Variants in CACNA1A observed in about 807,000 individuals in gnomAD.
The protein encoded by CACNA1A is calcium voltage-gated channel subunit alpha1 A.
Under a neutral mutation model 262.4 loss-of-function variants are expected in CACNA1A, and 57 were observed. The observed-to-expected ratio is 0.22, with a 90% CI of 0.18 to 0.27. The LOEUF is 0.27. CACNA1A is among the 10% of genes least tolerant of loss of function. The pLI, the probability that CACNA1A is intolerant of heterozygous loss-of-function variation, is 1.00. For missense variants in CACNA1A, 2,526 were observed against 3,562.8 expected (o/e 0.71, Z 7.41); for synonymous variants, 1,431 against 1,419.3 (o/e 1.01, Z -0.18).
chr19:13,346,651 TA>T (rs2058783679), intron 6 of CACNA1A, among the ~76,000 whole-genome samples: 8 of 6,032 alleles, frequency 1.3e-3, no homozygotes, highest in African/African-American at 4.6e-3. Flanking sequence ...TATATATATA[TA>T]TATATATATA....
chr19:13,501,800 T>C (rs922487782), intron 1 of CACNA1A, among the ~76,000 whole-genome samples: 1 of 152,194 alleles, frequency 6.6e-6, no homozygotes, highest in African/African-American at 2.4e-5. Context: ...GAATGAAAAC[T>C]GTAAATTAAG....
At chr19:13,475,160 T>A (rs1269729101) in intron 1 of CACNA1A, among the ~76,000 whole-genome samples, 1 of 152,176 alleles carries the variant, frequency 6.6e-6, no homozygotes, top group Admixed American at 6.5e-5. Context: ...TACATCAACA[T>A]AATCTTCCTG....
At chr19:13,493,521 TG>T in intron 1 of CACNA1A, among the ~76,000 whole-genome samples, 1 of 152,384 alleles carries the variant, frequency 6.6e-6, no homozygotes, top group East Asian at 1.9e-4. Flanking sequence ...TCAAAAGCAC[TG>T]CTTTACATGC....
intron 31 of CACNA1A, among the ~76,000 whole-genome samples, chr19:13,239,515 A>T (rs1292064278): frequency 6.6e-6 from 1 of 152,152 alleles, no homozygotes; most frequent in Non-Finnish European, 1.5e-5. Flanking sequence ...TTCTGCCCAT[A>T]ATTCCATCTG....
chr19:13,468,920 T>C (rs1187524387), intron 1 of CACNA1A, among the ~76,000 whole-genome samples: 1 of 152,134 alleles, frequency 6.6e-6, no homozygotes, highest in South Asian at 2.1e-4. Flanking sequence ...CTCTGGAATA[T>C]GTCCACCATC....
chr19:13,303,881 G>A lies in CACNA1A; in HGVS notation c.1990C>T (p.Leu664=), dbSNP rs1246140836. 7 of 1,607,556 alleles carry A rather than the reference G, an allele frequency of 4.4e-6. No homozygotes were observed. The highest frequency in any genetic ancestry group is 1.1e-5 in the South Asian group (1 of 90,690). ...ACCTCGTTCCAGTCTTCGCCCGTCA[G>A]GATCTGAAAGGGGAGGAAGAAACAC... is the stretch of plus-strand genomic sequence containing the variant. ...PAAIMTVFQI[L]TGEDWNEVMY... The change falls in exon 16 of 47, where the codon CTG becomes TTG. Residue 664 remains leucine, a synonymous_variant. Coordinates refer to ENST00000360228, the MANE Select transcript of CACNA1A (RefSeq NM_001127222.2).
intron 5 of CACNA1A, chr19:13,363,738 CCA>C (rs1283755548): frequency 1.3e-5 from 2 of 152,140 alleles, no homozygotes; most frequent in African/African-American, 4.8e-5. Flanking sequence ...CTTTCTCTGC[CCA>C]CCTGGGTTCC....
intron 3 of CACNA1A, among the ~76,000 whole-genome samples, chr19:13,420,693 G>A (rs2060302999): frequency 6.6e-6 from 1 of 152,148 alleles, no homozygotes; most frequent in Non-Finnish European, 1.5e-5. Context: ...ATAAATTTCT[G>A]TTGTTTTAAG....
At chr19:13,358,893 A>G (rs1413712649) in intron 6 of CACNA1A, among the ~76,000 whole-genome samples, 1 of 152,240 alleles carries the variant, frequency 6.6e-6, no homozygotes, top group Non-Finnish European at 1.5e-5. Context: ...GGGGAGAGCC[A>G]GCCCTGTCCT....
At chr19:13,339,164 G>A (rs114991129) in intron 6 of CACNA1A, among the ~76,000 whole-genome samples, 2,246 of 152,144 alleles carry the variant, frequency 0.015, 50 homozygotes, top group African/African-American at 0.052. Flanking sequence ...GAGCCCGGCA[G>A]AAGTTTTTTT....
At chr19:13,447,526 A>G (rs1395220470) in intron 3 of CACNA1A, among the ~76,000 whole-genome samples, 2 of 152,248 alleles carry the variant, frequency 1.3e-5, no homozygotes, top group East Asian at 3.8e-4. Context: ...GTATATATGA[A>G]AGGGAGTTTA....
chr19:13,487,235 A>G (rs1980122606), intron 1 of CACNA1A, among the ~76,000 whole-genome samples: 1 of 152,210 alleles, frequency 6.6e-6, no homozygotes, highest in African/African-American at 2.4e-5. Flanking sequence ...TGGCAGCCAC[A>G]GGAGAGCAGA....
chr19:13,330,588 GTTTATTTA>G (rs142629187), intron 9 of CACNA1A, among the ~76,000 whole-genome samples: 1 of 151,456 alleles, frequency 6.6e-6, no homozygotes, highest in East Asian at 2.0e-4. Context: ...TTTCCTTCTG[GTTTATTTA>G]TTTATTTGTT....
At chr19:13,418,859 T>C (rs1205599647) in intron 3 of CACNA1A, among the ~76,000 whole-genome samples, 2 of 152,208 alleles carry the variant, frequency 1.3e-5, no homozygotes, top group Non-Finnish European at 2.9e-5. Context: ...GTTATAACTG[T>C]ATTTTTACTG....
At chr19:13,495,192 T>A (rs1312063492) in intron 1 of CACNA1A, among the ~76,000 whole-genome samples, 3 of 152,216 alleles carry the variant, frequency 2.0e-5, no homozygotes, top group African/African-American at 7.2e-5. Context: ...TACTTATGCA[T>A]GATATAGTGC....
In CACNA1A at chr19:13,290,406, G is replaced by C. The variant is rs557953346; in HGVS notation, c.3090-3440C>G. Among the ~76,000 whole-genome samples, 161 of 145,464 alleles carry C rather than the reference G, an allele frequency of 1.1e-3. 5 individuals carry two copies. The South Asian group carries it at 0.035, about 31-fold the overall frequency. ...TGTGTGTGTGTGTCTGTGTGTGTCT[G>C]TGTGTGTATAATAATAATAATATAT... On this transcript the variant is annotated intron_variant, in intron 19 of 46. Transcript: ENST00000360228.
chr19:13,289,477 C>A (rs1372788757), intron 19 of CACNA1A, among the ~76,000 whole-genome samples: 1 of 152,100 alleles, frequency 6.6e-6, no homozygotes, highest in Non-Finnish European at 1.5e-5. Context: ...GCTGTGCAAC[C>A]CTGTGTGATT....
chr19:13,212,199 CTCTCGCA>C lies in CACNA1A; in HGVS notation c.6200_6206del (p.Met2067ArgfsTer53). Reference sequence around the variant, plus strand: ...TGTCGGAGTAGCCATCTCTGCCCATCTCTCGCATCTCCACGGACTGCGGAGCAGATGG... The same window carrying C: ...TGTCGGAGTAGCCATCTCTGCCCATCTCTCCACGGACTGCGGAGCAGATGG... On this transcript the variant is annotated frameshift_variant, in exon 43 of 47. Coordinates refer to ENST00000360228, the MANE Select transcript of CACNA1A (RefSeq NM_001127222.2). LOFTEE classifies it high-confidence loss of function. The surrounding 1 kb of genome is among the most constrained non-coding windows in gnomAD (Gnocchi z 5.6). 1 of 1,613,894 alleles carries C rather than the reference CTCTCGCA, an allele frequency of 6.2e-7. No homozygotes were observed. The highest frequency in any genetic ancestry group is 8.5e-7 in the Non-Finnish European group (1 of 1,179,796).
chr19:13,429,167 TACACACACACACACAC>T (rs56218610), intron 3 of CACNA1A, among the ~76,000 whole-genome samples: 3 of 141,152 alleles, frequency 2.1e-5, no homozygotes, highest in South Asian at 2.4e-4. Context: ...TCACTGTGCG[TACACACACACACACAC>T]ACACACACAC....
Sources: allele counts gnomAD v4.1 joint callset (sites outside exome capture counted in the v4.1 genomes callset), GRCh38; gene constraint gnomAD v4.1.1; non-coding constraint Gnocchi (gnomAD v3.1); transcripts MANE v1.5; gene names NCBI Gene and HGNC (gene_info 2026-07-23, HGNC 2026-07-21).